CD1B: variants seen among roughly 807,000 people sequenced by gnomAD.
CD1B encodes the protein CD1b molecule, also known as T-cell surface glycoprotein CD1b.
Under a neutral mutation model 39.8 loss-of-function variants are expected in CD1B, and 43 were observed. The observed-to-expected ratio is 1.08, with a 90% CI of 0.85 to 1.39. The LOEUF is 1.39. Among genes scored for constraint, CD1B ranks in the 40% most tolerant of loss-of-function variants. CD1B has a pLI of 0.00. For missense variants in CD1B, 495 were observed against 403.8 expected (o/e 1.23, Z -1.94); for synonymous variants, 192 against 152.5 (o/e 1.26, Z -1.91).
At position 158,331,072 on chromosome 1, in the gene CD1B, G is replaced by A. The variant is rs1652584941; in HGVS notation, c.62-10C>T. 6.3e-7 allele frequency: 1 copy of A among 1,593,522 alleles called. No homozygotes were observed. Among genetic ancestry groups the A allele is most frequent in the Non-Finnish European group, 8.5e-7 (1 of 1,172,450 alleles). ...GTCGGCCCCTGGAAGGCTGTGAAGA[G>A]TGGAAAAGCAAGATGGTGAAGATAA... On this transcript the variant is annotated splice_polypyrimidine_tract_variant and intron_variant, in intron 1 of 5. Coordinates refer to ENST00000368168, the MANE Select transcript of CD1B (RefSeq NM_001764.3).
chr1:158,331,044 G>T lies in CD1B; in HGVS notation c.80C>A (p.Ser27Tyr). The T allele has an allele frequency of 6.2e-7, 1 of 1,612,594 alleles. No homozygotes were observed. The highest frequency in any genetic ancestry group is 8.5e-7 in the Non-Finnish European group (1 of 1,179,462). ...GGACGAGGTCTGGATAACATGAAAGGAGGTCGGCCCCTGGAAGGCTGTGAA... is the reference window on the plus strand; with the variant it reads ...GGACGAGGTCTGGATAACATGAAAGTAGGTCGGCCCCTGGAAGGCTGTGAA... The part of the protein sequence containing the change: ...NSEHAFQGPT[S>Y]FHVIQTSSFT... The change falls in exon 2 of 6, where the codon TCC (serine) becomes TAC (tyrosine). Residue 27 changes from serine to tyrosine, a missense_variant. Coordinates refer to ENST00000368168, the MANE Select transcript of CD1B (RefSeq NM_001764.3).
chr1:158,287,035 G>C, the CD1B span, among the ~76,000 whole-genome samples: 1 of 152,140 alleles, frequency 6.6e-6, no homozygotes, highest in Non-Finnish European at 1.5e-5. Flanking sequence ...CAGCTGCTCA[G>C]GTGGGGAACT....
At chr1:158,308,287 C>A in the CD1B span, among the ~76,000 whole-genome samples, 16 of 152,062 alleles carry the variant, frequency 1.1e-4, no homozygotes, top group Non-Finnish European at 2.2e-4. Flanking sequence ...ATGTGAAGGA[C>A]CTCTTCAAGG....
At chr1:158,299,755 T>C in the CD1B span, among the ~76,000 whole-genome samples, 1 of 152,200 alleles carries the variant, frequency 6.6e-6, no homozygotes, top group Non-Finnish European at 1.5e-5. Flanking sequence ...TTCTTCTAGA[T>C]TTTCTAGTTT....
downstream of CD1B, among the ~76,000 whole-genome samples, chr1:158,327,395 G>A (rs1652393797): frequency 6.6e-6 from 1 of 152,198 alleles, no homozygotes; most frequent in South Asian, 2.1e-4. Flanking sequence ...TTCTCCAAAG[G>A]AGTTTGGAAC....
the CD1B span, among the ~76,000 whole-genome samples, chr1:158,311,891 T>A: frequency 6.6e-6 from 1 of 152,240 alleles, no homozygotes; most frequent in Non-Finnish European, 1.5e-5. Flanking sequence ...CTGTTTTGGT[T>A]ACTATAGTTT....
At chr1:158,329,053 T>C (rs1263448658) in intron 4 of CD1B, 39 bp from the exon 5 acceptor site, 2 of 1,509,706 alleles carry the variant, frequency 1.3e-6, no homozygotes, top group Non-Finnish European at 1.8e-6. Flanking sequence ...TCACTTCAGA[T>C]ACTATACACA....
chr1:158,291,762 A>T, the CD1B span, among the ~76,000 whole-genome samples: 1 of 152,066 alleles, frequency 6.6e-6, no homozygotes, highest in Non-Finnish European at 1.5e-5. Context: ...GACCAATTTC[A>T]TGCGTCATGG....
chr1:158,329,538 G>C lies in CD1B; in HGVS notation c.718C>G (p.Arg240Gly), dbSNP rs371268350. 2 of 1,613,898 alleles carry C rather than the reference G, an allele frequency of 1.2e-6. No homozygotes were observed. The highest frequency in any genetic ancestry group is 1.7e-6 in the Non-Finnish European group (2 of 1,180,000). Residue 240 changes from arginine to glycine, a missense_variant, in exon 4 of 6, where the codon CGG (arginine) becomes GGG (glycine). By Grantham distance (125) the Arg-to-Gly change is moderately radical. Transcript: ENST00000368168. ...GTGCCCTGCTGCTCCTGCTCACCCCGCATCCACATCACCCACACGGGCTTT... is the reference window on the plus strand; with the variant it reads ...GTGCCCTGCTGCTCCTGCTCACCCCCCATCCACATCACCCACACGGGCTTT... The part of the protein sequence containing the change: ...YPKPVWVMWM[R>G]GEQEQQGTQL...
chr1:158,301,160 C>T, the CD1B span, among the ~76,000 whole-genome samples: 2 of 151,890 alleles, frequency 1.3e-5, no homozygotes, highest in Non-Finnish European at 2.9e-5. Flanking sequence ...GTCCTCCATC[C>T]CTTTATTTTG....
At chr1:158,328,864 G>A (rs533286466) in intron 5 of CD1B, 57 bp downstream of exon 5, 32 of 1,184,244 alleles carry the variant, frequency 2.7e-5, no homozygotes, top group Non-Finnish European at 3.4e-5. Flanking sequence ...AAAAAACAGT[G>A]GAAGGGTGAA....
At chr1:158,323,827 G>C (rs1191291344), downstream of CD1B, among the ~76,000 whole-genome samples, 3 of 152,176 alleles carry the variant, frequency 2.0e-5, no homozygotes, top group African/African-American at 7.2e-5. Context: ...GAGGAAGCTG[G>C]CCAGGGACCT....
At chr1:158,291,105 TACAC>T in the CD1B span, 2 of 1,596,586 alleles carry the variant, frequency 1.3e-6, no homozygotes, top group Non-Finnish European at 1.7e-6. Context: ...TTTTTTTCCT[TACAC>T]TACTTGCCCT....
chr1:158,299,699 C>T, the CD1B span, among the ~76,000 whole-genome samples: 37 of 152,122 alleles, frequency 2.4e-4, no homozygotes, highest in African/African-American at 8.9e-4. Context: ...TCAACTTCTT[C>T]CTGGTTTACT....
At chr1:158,286,944 C>T in the CD1B span, among the ~76,000 whole-genome samples, 2 of 152,172 alleles carry the variant, frequency 1.3e-5, no homozygotes, top group Non-Finnish European at 2.9e-5. Context: ...GCACCTCCTA[C>T]TGCCCTTTAC....
the CD1B span, among the ~76,000 whole-genome samples, chr1:158,319,570 T>A: frequency 6.6e-6 from 1 of 152,078 alleles, no homozygotes; most frequent in African/African-American, 2.4e-5. Context: ...TCTTCTAAAT[T>A]TTTTTCCAAG....
At chr1:158,313,146 C>T in the CD1B span, among the ~76,000 whole-genome samples, 27 of 152,252 alleles carry the variant, frequency 1.8e-4, 1 homozygote, top group East Asian at 5.0e-3. Flanking sequence ...TGATGCAGTA[C>T]ATTTATTAAT....
chr1:158,316,523 G>T, the CD1B span, among the ~76,000 whole-genome samples: 7 of 151,920 alleles, frequency 4.6e-5, no homozygotes, highest in African/African-American at 1.7e-4. Flanking sequence ...CTGAGATTTT[G>T]CTGAAGTTGC....
chr1:158,330,929 G>A lies in CD1B; in HGVS notation c.195C>T (p.Ala65=). ...CTTTAGACCAAGGCTTCAGGAATAT[G>A]GCAGTGCCTGAGTCGCTATCCCAGC... ...IHGWDSDSGT[A]IFLKPWSKGN... is the part of the protein sequence containing the mutation. The change falls in exon 2 of 6, where the codon GCC becomes GCT. Residue 65 remains alanine (A), a synonymous_variant. Coordinates refer to ENST00000368168, the MANE Select transcript of CD1B (RefSeq NM_001764.3). The A allele has an allele frequency of 6.2e-7, 1 of 1,614,114 alleles. No homozygotes were observed. Among genetic ancestry groups the A allele is most frequent in the Non-Finnish European group, 8.5e-7 (1 of 1,180,006 alleles).
Sources: allele counts gnomAD v4.1 joint callset (sites outside exome capture counted in the v4.1 genomes callset), GRCh38; gene constraint gnomAD v4.1.1; transcripts MANE v1.5; gene names NCBI Gene and HGNC (gene_info 2026-07-23, HGNC 2026-07-21).